Variants in GNPTG observed in about 807,000 individuals in gnomAD.
The protein encoded by GNPTG is N-acetylglucosamine-1-phosphate transferase subunit gamma.
In GNPTG, 46 loss-of-function variants were observed where a neutral mutation model predicts 43.8. That is an observed-to-expected ratio of 1.05 (90% CI 0.83 to 1.34). GNPTG has a LOEUF of 1.34. GNPTG is among the 40% of genes most tolerant of loss of function. The probability of loss-of-function intolerance (pLI) is 0.00; values close to 1 mark genes in which losing one functional copy is unlikely to be tolerated. For missense variants in GNPTG, 549 were observed against 411.3 expected (o/e 1.33, Z -2.90); for synonymous variants, 250 against 172.8 (o/e 1.45, Z -3.50).
rs1238456144 is a variant in GNPTG, at chr16:1,362,827, T to G, written c.744T>G (p.Ala248=). ...GFETLENCRK[A]HKELSKEIKR... ...TGAACTCTTTTTGTGGTTGGTAGGC[T>G]CATAAAGAACTCTCAAAGGAGATCA... is the stretch of plus-strand genomic sequence containing the variant. Residue 248 remains alanine, a splice_region_variant and synonymous_variant, in exon 10 of 11, where the codon GCT becomes GCG. Coordinates refer to ENST00000204679, the MANE Select transcript of GNPTG (RefSeq NM_032520.5). The G allele has an allele frequency of 1.2e-6, 2 of 1,613,942 alleles. No homozygotes were observed. Among genetic ancestry groups the G allele is most frequent in the Admixed American group, 3.3e-5 (2 of 60,014 alleles).
In GNPTG at chr16:1,363,266, C is replaced by T. The variant is rs919410388; in HGVS notation, c.*175C>T. The T allele has an allele frequency of 1.5e-6, 1 of 664,928 alleles. No homozygotes were observed. The highest frequency in any genetic ancestry group is 2.8e-5 in the East Asian group (1 of 36,128). 41.2% of individuals were successfully genotyped at this position (664,928 alleles called of 1,614,324 possible). A position where few individuals can be genotyped will look rare whatever the true frequency, so the allele number is the denominator to read the frequency against. ...AAAATAACTCCATGAATTCTGTAAA[C>T]CATTGCATAAATGCTATAGTGTAAA... On this transcript the variant is annotated 3_prime_UTR_variant, in exon 11 of 11. Coordinates refer to ENST00000204679, the MANE Select transcript of GNPTG (RefSeq NM_032520.5).
rs1044660992 is a variant in GNPTG, at chr16:1,351,992, G to C, written c.27G>C (p.Leu9=). Residue 9 remains leucine, a synonymous_variant, in exon 1 of 11, where the codon CTG becomes CTC. Coordinates refer to ENST00000204679, the MANE Select transcript of GNPTG (RefSeq NM_032520.5). MAAGLARL[L]LLLGLSAGGP... ...TGGCGGCGGGGCTGGCGCGGCTCCT[G>C]TTGCTCCTCGGGCTCTCGGCCGGCG... The C allele has an allele frequency of 2.1e-6, 3 of 1,430,846 alleles. No homozygotes were observed. Among genetic ancestry groups the C allele is most frequent in the African/African-American group, 1.5e-5 (1 of 67,068 alleles). 88.6% of individuals were successfully genotyped at this position (1,430,846 alleles called of 1,614,324 possible).
In GNPTG at chr16:1,363,538, A is replaced by G; in HGVS notation, c.*447A>G. On this transcript the variant is annotated 3_prime_UTR_variant, in exon 11 of 11. Transcript: ENST00000204679. ...GTCGAACACTAGAGTTACAGACGAC[A>G]GGCAACAAGAACATGCAGAGCCGGC... The G allele has an allele frequency of 4.0e-6, 1 of 251,036 alleles. No individual in the cohort carries two copies. The highest frequency in any genetic ancestry group is 4.0e-5 in the South Asian group (1 of 25,290). 15.6% of individuals were successfully genotyped at this position (251,036 alleles called of 1,614,324 possible). A position where few individuals can be genotyped will look rare whatever the true frequency, so the allele number is the denominator to read the frequency against.
At position 1,362,336 on chromosome 16, in the gene GNPTG, G is replaced by T. The variant is rs761790744; in HGVS notation, c.526+16G>T. 9.9e-6 allele frequency: 16 copies of T among 1,611,580 alleles called. No individual in the cohort carries two copies. The highest frequency in any genetic ancestry group is 1.4e-5 in the Non-Finnish European group (16 of 1,179,008). ...GCCTTGCTAGGTAGGGGTGCGGGACGCAGTTGAGCCCAGTGGGGTCAGCCG... is the reference window on the plus strand; with the variant it reads ...GCCTTGCTAGGTAGGGGTGCGGGACTCAGTTGAGCCCAGTGGGGTCAGCCG... On this transcript the variant is annotated intron_variant, in intron 7 of 10. Coordinates refer to ENST00000204679, the MANE Select transcript of GNPTG (RefSeq NM_032520.5).
At position 1,352,319 on chromosome 16, in the gene GNPTG, C is replaced by T; in HGVS notation, c.178+13C>T. ...TCACCCGTGTCTGGTGAGTGAGGAG[C>T]GCTGTTGGCCGGCGCGGGGGTGGCC... On this transcript the variant is annotated intron_variant, in intron 3 of 10. Transcript: ENST00000204679. 2 of 1,548,124 alleles carry T rather than the reference C, an allele frequency of 1.3e-6. No individual in the cohort carries two copies. The highest frequency in any genetic ancestry group is 1.7e-6 in the Non-Finnish European group (2 of 1,146,708).
intron 3 of GNPTG, among the ~76,000 whole-genome samples, chr16:1,357,321 CAGA>C (rs2034795816): frequency 6.6e-6 from 1 of 152,102 alleles, no homozygotes; most frequent in South Asian, 2.1e-4. Flanking sequence ...TGTCAGGGAA[CAGA>C]AGGCCAGGCC....
At position 1,362,830 on chromosome 16, in the gene GNPTG, T is replaced by TAG. The variant is rs1567185339; in HGVS notation, c.748_749insGA (p.Lys250ArgfsTer11). ...ACTCTTTTTGTGGTTGGTAGGCTCA[T>TAG]AAAGAACTCTCAAAGGAGATCAAAA... On this transcript the variant is annotated frameshift_variant, in exon 10 of 11. Transcript: ENST00000204679. LOFTEE classifies it high-confidence loss of function. 2 of 1,613,914 alleles carry TAG rather than the reference T, an allele frequency of 1.2e-6. No individual in the cohort carries two copies. The highest frequency in any genetic ancestry group is 2.2e-5 in the South Asian group (2 of 91,070).
At chr16:1,352,690 G>A (rs142182166) in intron 3 of GNPTG, among the ~76,000 whole-genome samples, 1 of 152,130 alleles carries the variant, frequency 6.6e-6, no homozygotes, top group East Asian at 1.9e-4. Context: ...TGTATCTCTC[G>A]GGACGCTTCA....
At position 1,361,892 on chromosome 16, in the gene GNPTG, C is replaced by G. The variant is rs747362604; in HGVS notation, c.254C>G (p.Pro85Arg). 1 of 1,613,828 alleles carries G rather than the reference C, an allele frequency of 6.2e-7. No homozygotes were observed. The highest frequency in any genetic ancestry group is 8.5e-7 in the Non-Finnish European group (1 of 1,180,030). Residue 85 changes from proline (P) to arginine (R), a missense_variant, in exon 5 of 11, where the codon CCG (proline) becomes CGG (arginine). By Grantham distance (103) the Pro-to-Arg change is moderately radical. Transcript: ENST00000204679. The stretch of plus-strand genomic sequence containing the variant: ...CCCAGGTACAAGTATGAGTTCTGCC[C>G]GTTCCACAACGTGACCCAGCACGAG... ...VESTYKYEFC[P>R]FHNVTQHEQT...
intron 9 of GNPTG, 32 bp downstream of exon 9, chr16:1,362,774 G>A (rs2034933049): frequency 2.5e-6 from 4 of 1,614,140 alleles, no homozygotes; most frequent in African/African-American, 1.3e-5. Flanking sequence ...GTGGCACGCA[G>A]TAGCCCTCCA....
At chr16:1,358,056 C>T (rs973286158) in intron 3 of GNPTG, 2 of 152,496 alleles carry the variant, frequency 1.3e-5, no homozygotes, top group African/African-American at 2.4e-5. Context: ...GGTCCCGACT[C>T]CCCAGCTTAA....
rs919694735 is a variant in GNPTG, at chr16:1,363,642, C to T, written c.*551C>T. The T allele has an allele frequency of 1.1e-5, 2 of 190,078 alleles. No homozygotes were observed. The highest frequency in any genetic ancestry group is 2.4e-5 in the African/African-American group (1 of 41,956). The allele number at this position is 190,078 out of a possible 1,614,324, so 11.8% of individuals were successfully genotyped here. ...GGGCGCGCCTCCACCTCAGCCTCCA[C>T]GGGGCACCTTCCAGCCACTGCTGTG... On this transcript the variant is annotated 3_prime_UTR_variant, in exon 11 of 11. Coordinates refer to ENST00000204679, the MANE Select transcript of GNPTG (RefSeq NM_032520.5).
intron 9 of GNPTG, 33 bp downstream of exon 9, chr16:1,362,775 T>C: frequency 6.2e-7 from 1 of 1,614,126 alleles, no homozygotes; most frequent in Non-Finnish European, 8.5e-7. Flanking sequence ...TGGCACGCAG[T>C]AGCCCTCCAG....
intron 3 of GNPTG, among the ~76,000 whole-genome samples, chr16:1,355,214 C>G (rs1337605606): frequency 6.7e-6 from 1 of 149,558 alleles, no homozygotes; most frequent in African/African-American, 2.5e-5. Context: ...GGTGTGGATC[C>G]TCTCCTGCGT....
Position 1,362,267 on chromosome 16 carries a change from T to C in GNPTG, c.473T>C (p.Val158Ala). Residue 158 changes from valine (V) to alanine (A), a missense_variant, in exon 7 of 11, where the codon GTC (valine) becomes GCC (alanine). Val to Ala is a moderately conservative substitution (Grantham distance 64). Coordinates refer to ENST00000204679, the MANE Select transcript of GNPTG (RefSeq NM_032520.5). ...LAHVSEPSTC[V>A]YALTFETPLV... ...CATGTGTCCGAGCCGAGCACCTGCG[T>C]CTACGCGCTGACGTTCGAGACCCCC... 3 of 1,613,500 alleles carry C rather than the reference T, an allele frequency of 1.9e-6. No individual in the cohort carries two copies. Among genetic ancestry groups the C allele is most frequent in the Non-Finnish European group, 2.5e-6 (3 of 1,179,960 alleles).
At chr16:1,353,469 G>C (rs1362584669) in intron 3 of GNPTG, among the ~76,000 whole-genome samples, 1 of 152,228 alleles carries the variant, frequency 6.6e-6, no homozygotes, top group African/African-American at 2.4e-5. Flanking sequence ...CCATGTAGAT[G>C]TGTGAAGCAG....
chr16:1,357,058 G>T (rs2034791454), intron 3 of GNPTG, among the ~76,000 whole-genome samples: 1 of 152,216 alleles, frequency 6.6e-6, no homozygotes, highest in South Asian at 2.1e-4. Context: ...GGGCCCTAGG[G>T]CCAGACTGGA....
At position 1,362,528 on chromosome 16, in the gene GNPTG, C is replaced by A. The variant is rs146171435; in HGVS notation, c.603C>A (p.Thr201=). The A allele has an allele frequency of 6.2e-7, 1 of 1,614,174 alleles. No individual in the cohort carries two copies. The highest frequency in any genetic ancestry group is 8.5e-7 in the Non-Finnish European group (1 of 1,180,028). ...AGGACCTGGCCGATGAGCTGATCAC[C>A]CCCCAGGTAAGCGTGCGCTCGGGGT... The part of the protein sequence containing the change: ...VEQDLADELI[T]PQGHEKLLRT... The change falls in exon 8 of 11, where the codon ACC becomes ACA. Residue 201 remains threonine, a synonymous_variant. Transcript: ENST00000204679.
At chr16:1,359,490 G>T (rs1315615205) in intron 3 of GNPTG, among the ~76,000 whole-genome samples, 3 of 150,384 alleles carry the variant, frequency 2.0e-5, no homozygotes, top group Non-Finnish European at 4.4e-5. Context: ...GGATGGTCTC[G>T]ATCTCCTGAC....
Sources: gnomAD v4.1 joint callset for allele counts (sites outside exome capture counted in the v4.1 genomes callset) on GRCh38, gnomAD v4.1.1 for gene constraint, MANE v1.5 for transcripts, NCBI Gene and HGNC (gene_info 2026-07-23, HGNC 2026-07-21) for gene names.